The following WDR45B variants were observed in gnomAD, a reference collection of about 807,000 sequenced individuals.
The protein encoded by WDR45B is WD repeat domain phosphoinositide-interacting protein 3.
WDR45B carries 20 observed loss-of-function variants against 44.6 expected under a neutral mutation model. The ratio of observed to expected loss-of-function variants is 0.45; its 90% CI spans 0.32 to 0.65. WDR45B has a LOEUF of 0.65. Ranked by LOEUF, WDR45B falls within the 30% of genes least tolerant of loss-of-function variation. The pLI, the probability that WDR45B is intolerant of heterozygous loss-of-function variation, is 0.05. For missense variants in WDR45B, 323 were observed against 430.2 expected, an observed-to-expected ratio of 0.75 and a Z score of 2.20; for synonymous variants, 169 against 164.9, an observed-to-expected ratio of 1.02 and a Z score of -0.19.
chr17:82,624,272 GTTCT>G (rs993734970), intron 5 of WDR45B, among the ~76,000 whole-genome samples: 4 of 152,168 alleles, frequency 2.6e-5, no homozygotes, highest in African/African-American at 9.6e-5. Flanking sequence ...AGAAGAGACT[GTTCT>G]TTTTTTCTTT....
At chr17:82,619,533 C>A (rs1039227394) in intron 6 of WDR45B, among the ~76,000 whole-genome samples, 1 of 148,332 alleles carries the variant, frequency 6.7e-6, no homozygotes, top group African/African-American at 2.5e-5. Flanking sequence ...AAAAGCAGCA[C>A]GGGAATCCGG....
At chr17:82,616,173 C>T (rs186172539) in intron 9 of WDR45B, 148 bp from the exon 10 acceptor site, 18 of 817,728 alleles carry the variant, frequency 2.2e-5, no homozygotes, top group Admixed American at 1.8e-4. Context: ...CCACTGAATG[C>T]GTTCGGTCGG....
intron 2 of WDR45B, among the ~76,000 whole-genome samples, chr17:82,641,058 C>T (rs577149962): frequency 4.4e-4 from 67 of 150,908 alleles, no homozygotes; most frequent in African/African-American, 1.5e-3. Flanking sequence ...CTCGGCCTCC[C>T]GGGTTTAAGT....
intron 4 of WDR45B, among the ~76,000 whole-genome samples, chr17:82,626,533 C>A (rs1196556446): frequency 2.5e-5 from 2 of 79,450 alleles, no homozygotes; most frequent in African/African-American, 7.3e-5. Flanking sequence ...CTCTATCTCC[C>A]AAAAAAAAAA....
rs934420995 is a variant in WDR45B, at chr17:82,635,862, G to A, written c.143-4840C>T. 9.9e-5 allele frequency among the ~76,000 whole-genome samples: 15 copies of A among 151,896 alleles called. 1 individual carries two copies. The highest frequency in any genetic ancestry group is 2.4e-4 in the African/African-American group (10 of 41,208). ...ACTCTGGGAGGCCAGGCCGAGGCAG[G>A]TGGATCCCTCAGGTCGGGAGTTCAA... On this transcript the variant is annotated intron_variant, in intron 2 of 9. Coordinates refer to ENST00000392325, the MANE Select transcript of WDR45B (RefSeq NM_019613.4).
At chr17:82,640,897 T>C (rs965602212) in intron 2 of WDR45B, among the ~76,000 whole-genome samples, 1 of 151,738 alleles carries the variant, frequency 6.6e-6, no homozygotes, top group Non-Finnish European at 1.5e-5. Context: ...CGGGTATATG[T>C]GTGTGATGAG....
At chr17:82,645,923 C>G (rs909601757) in intron 1 of WDR45B, among the ~76,000 whole-genome samples, 1 of 151,458 alleles carries the variant, frequency 6.6e-6, no homozygotes, top group Non-Finnish European at 1.5e-5. Flanking sequence ...GAGATCAAGA[C>G]CATCCTGGCT....
At chr17:82,624,872 C>A (rs932694189) in intron 5 of WDR45B, among the ~76,000 whole-genome samples, 9 of 152,094 alleles carry the variant, frequency 5.9e-5, no homozygotes, top group African/African-American at 2.2e-4. Context: ...CCCGCCTCGG[C>A]CTCCCAAAGT....
intron 2 of WDR45B, chr17:82,636,619 G>A (rs1467377766): frequency 6.6e-6 from 1 of 152,004 alleles, no homozygotes; most frequent in Non-Finnish European, 1.5e-5. Flanking sequence ...ATATTACAAA[G>A]GATATTCGTT....
chr17:82,639,792 C>T (rs1344635618), intron 2 of WDR45B, among the ~76,000 whole-genome samples: 3 of 130,636 alleles, frequency 2.3e-5, no homozygotes, highest in South Asian at 2.5e-4. Context: ...TGTGTGGGGT[C>T]GGGAGGGCTG....
rs761828025 is a variant in WDR45B at position 82,643,987 on chromosome 17, A to G, written c.104T>C (p.Val35Ala). 3.1e-6 allele frequency: 5 copies of G among 1,614,134 alleles called. No individual in the cohort carries two copies. The South Asian group carries it at 5.5e-5, about 18-fold the overall frequency. The part of the protein sequence containing the change: ...FACGMENGFR[V>A]YNTDPLKEKE... ...TTCTTTTAGTGGATCAGTGTTATAG[A>G]CTCGGAATCCATTTTCCATCCCACA... Residue 35 changes from valine to alanine, a missense_variant, in exon 2 of 10, where the codon GTC becomes GCC. By Grantham distance (64) the Val-to-Ala change is moderately conservative. Coordinates refer to ENST00000392325, the MANE Select transcript of WDR45B (RefSeq NM_019613.4).
chr17:82,622,278 G>A (rs2045629556), intron 5 of WDR45B, among the ~76,000 whole-genome samples: 1 of 152,196 alleles, frequency 6.6e-6, no homozygotes, highest in African/African-American at 2.4e-5. Flanking sequence ...CTGAGAGAGA[G>A]CTGGTCTTGT....
Position 82,640,873 on chromosome 17 carries a change from C to T in WDR45B, c.142+3076G>A, listed in dbSNP as rs1316926376. Among the ~76,000 whole-genome samples the T allele has an allele frequency of 2.0e-5, 3 of 152,072 alleles. No homozygotes were observed. The East Asian group carries it at 5.8e-4, about 29-fold the overall frequency. On this transcript the variant is annotated intron_variant, in intron 2 of 9. Coordinates refer to ENST00000392325, the MANE Select transcript of WDR45B (RefSeq NM_019613.4). ...CCTGCCCCAGACACAGCCGAGCTGG[C>T]AGACGCACAAGACCGGGTATATGTG... is the stretch of plus-strand genomic sequence containing the variant.
chr17:82,635,755 C>A (rs774982344), intron 2 of WDR45B, among the ~76,000 whole-genome samples: 5 of 151,932 alleles, frequency 3.3e-5, no homozygotes, highest in Non-Finnish European at 7.4e-5. Context: ...ACAAGTCATT[C>A]CCTTAGCAAG....
rs773643004 is a variant in WDR45B at position 82,621,786 on chromosome 17, A to G, written c.441T>C (p.Leu147=). Residue 147 remains leucine (L), a synonymous_variant, in exon 6 of 10, where the codon CTT becomes CTC. Transcript: ENST00000392325. ...GGAGGGAGTTGTTACTATTGGGACA[A>G]AGGACACAGAGGCCTGCGTGGAGAC... ...TCYNPKGLCV[L]CPNSNNSLLA... is the part of the protein sequence containing the mutation. 1 of 1,614,030 alleles carries G rather than the reference A, an allele frequency of 6.2e-7. No homozygotes were observed. The highest frequency in any genetic ancestry group is 1.3e-5 in the African/African-American group (1 of 74,920).
rs186533536 is a variant in WDR45B, at chr17:82,616,864, C to A, written c.807-219G>T. ...ACGGAGTCTCGCTCTGTAGCCCAGGCTGGAGTGCAGGGGCGCAATCTCGGC... is the reference window on the plus strand; with the variant it reads ...ACGGAGTCTCGCTCTGTAGCCCAGGATGGAGTGCAGGGGCGCAATCTCGGC... On this transcript the variant is annotated intron_variant, in intron 8 of 9. Coordinates refer to ENST00000392325, the MANE Select transcript of WDR45B (RefSeq NM_019613.4). Among the ~76,000 whole-genome samples the A allele has an allele frequency of 0.015, 2,242 of 151,964 alleles. 17 individuals carry two copies. Among genetic ancestry groups the A allele is most frequent in the Non-Finnish European group, 0.023 (1,575 of 67,972 alleles).
At chr17:82,646,689 C>T in intron 1 of WDR45B, among the ~76,000 whole-genome samples, 1 of 152,068 alleles carries the variant, frequency 6.6e-6, no homozygotes, top group East Asian at 1.9e-4. Context: ...GAAAATTCAT[C>T]ACCTGAACAC....
At chr17:82,633,762 C>T (rs531320066) in intron 2 of WDR45B, among the ~76,000 whole-genome samples, 1 of 152,260 alleles carries the variant, frequency 6.6e-6, no homozygotes, top group Admixed American at 6.5e-5. Flanking sequence ...CACCTATAAT[C>T]CCAGCACCCT....
In WDR45B at chr17:82,627,238, T is replaced by C. The variant is rs1485886743; in HGVS notation, c.298A>G (p.Thr100Ala). The part of the protein sequence containing the change: ...KKTVIEIEFS[T>A]EVKAVKLRRD... Reference sequence around the variant, plus strand: ...CGCAGCTTGACTGCCTTGACTTCTGTAGAAAATTCTATTTCAATAACAGTC... The same window carrying C: ...CGCAGCTTGACTGCCTTGACTTCTGCAGAAAATTCTATTTCAATAACAGTC... Residue 100 changes from threonine to alanine, a missense_variant, in exon 4 of 10, where the codon ACA (threonine) becomes GCA (alanine). Thr to Ala is a moderately conservative substitution (Grantham distance 58, BLOSUM62 0). Coordinates refer to ENST00000392325, the MANE Select transcript of WDR45B (RefSeq NM_019613.4). 1.2e-6 allele frequency: 2 copies of C among 1,613,836 alleles called. No individual in the cohort carries two copies. Among genetic ancestry groups the C allele is most frequent in the Non-Finnish European group, 1.7e-6 (2 of 1,179,982 alleles).
Sources: allele counts gnomAD v4.1 joint callset (sites outside exome capture counted in the v4.1 genomes callset), GRCh38; gene constraint gnomAD v4.1.1; transcripts MANE v1.5; gene names NCBI Gene and HGNC (gene_info 2026-07-23, HGNC 2026-07-21).